Variants in HMCN1 observed in about 807,000 individuals in gnomAD.
HMCN1 encodes hemicentin-1.
Under a neutral mutation model 625.9 loss-of-function variants are expected in HMCN1, and 321 were observed. The observed-to-expected ratio is 0.51, with a 90% CI of 0.47 to 0.56. HMCN1 has a LOEUF of 0.56. Ranked by LOEUF, HMCN1 falls within the 20% of genes least tolerant of loss-of-function variation. HMCN1 has a pLI of 0.00. For synonymous variants in HMCN1, 2,425 were observed against 2,417.6 expected (o/e 1.00, Z -0.09); for missense variants, 6,588 against 6,887.3 (o/e 0.96, Z 1.54).
At chr1:185,833,789 T>C (rs1661014992) in intron 1 of HMCN1, among the ~76,000 whole-genome samples, 1 of 152,158 alleles carries the variant, frequency 6.6e-6, no homozygotes, top group Non-Finnish European at 1.5e-5. Flanking sequence ...TTTTTCTTAA[T>C]TGTTTTTTCC....
intron 4 of HMCN1, among the ~76,000 whole-genome samples, chr1:185,888,891 A>G (rs1417569342): frequency 6.8e-6 from 1 of 147,320 alleles, no homozygotes. Flanking sequence ...TCTGTAAATT[A>G]CCTTAGGCAG....
rs540465075 is a variant in HMCN1, at chr1:185,949,182, A to T, written c.1829-13336A>T. On this transcript the variant is annotated intron_variant, in intron 11 of 106. Transcript: ENST00000271588. ...TTTGGGGATAGCACCAGGAGATATC[A>T]GCTGTGATGGCTTGGAAAAACAGTG... Among the ~76,000 whole-genome samples the T allele has an allele frequency of 4.8e-3, 733 of 151,984 alleles. 13 individuals are homozygous for T. Among genetic ancestry groups the T allele is most frequent in the African/African-American group, 0.017 (711 of 41,288 alleles).
At chr1:186,057,196 A>G (rs1657389191) in intron 45 of HMCN1, 38 bp from the exon 46 acceptor site, 1 of 1,556,208 alleles carries the variant, frequency 6.4e-7, no homozygotes, top group Non-Finnish European at 8.9e-7. Context: ...CAGGCAACTA[A>G]TATTTCCATT....
chr1:186,041,716 T>C (rs1656220296), intron 40 of HMCN1, among the ~76,000 whole-genome samples: 2 of 152,188 alleles, frequency 1.3e-5, no homozygotes, highest in African/African-American at 2.4e-5. Context: ...TCTCCATTTA[T>C]ATATTAGCTT....
At chr1:185,865,940 A>C (rs1249186894) in intron 4 of HMCN1, 77 bp downstream of exon 4, 2 of 1,484,398 alleles carry the variant, frequency 1.3e-6, no homozygotes, top group African/African-American at 2.8e-5. Flanking sequence ...ATTATGACAG[A>C]TTTGATTTCA....
At chr1:186,166,143 A>AT (rs1651863211) in intron 98 of HMCN1, 41 bp from the exon 99 acceptor site, 1 of 1,611,986 alleles carries the variant, frequency 6.2e-7, no homozygotes, top group East Asian at 2.2e-5. Context: ...GAAAGTAAGG[A>AT]TTTTACATAC....
At chr1:185,993,391 A>G in intron 23 of HMCN1, 82 bp downstream of exon 23, 2 of 1,526,068 alleles carry the variant, frequency 1.3e-6, no homozygotes, top group African/African-American at 1.4e-5. Context: ...TTGATAGTTA[A>G]TTTCCAAATT....
intron 40 of HMCN1, among the ~76,000 whole-genome samples, chr1:186,045,221 C>T (rs188617988): frequency 6.6e-6 from 1 of 152,126 alleles, no homozygotes; most frequent in African/African-American, 2.4e-5. Context: ...TTGCACGCTG[C>T]GAGATGGGAC....
chr1:185,804,536 T>A (rs1166800675), intron 1 of HMCN1, among the ~76,000 whole-genome samples: 1 of 152,096 alleles, frequency 6.6e-6, no homozygotes, highest in Admixed American at 6.6e-5. Flanking sequence ...ATCCCACAAC[T>A]CAAAGTCTTT....
intron 54 of HMCN1, 142 bp from the exon 55 acceptor site, chr1:186,077,965 A>C (rs1001164712): frequency 6.1e-6 from 4 of 656,850 alleles, no homozygotes; most frequent in Non-Finnish European, 1.1e-5. Flanking sequence ...GTGGTATCTG[A>C]GATTAAAACT....
chr1:186,007,755 A>G (rs1653737109), intron 30 of HMCN1, among the ~76,000 whole-genome samples: 1 of 152,114 alleles, frequency 6.6e-6, no homozygotes, highest in Non-Finnish European at 1.5e-5. Flanking sequence ...TCTCCCAGCT[A>G]TGTCCCCACC....
chr1:186,046,245 G>T (rs535645427), intron 41 of HMCN1, among the ~76,000 whole-genome samples: 1 of 152,238 alleles, frequency 6.6e-6, no homozygotes, highest in South Asian at 2.1e-4. Context: ...AAGGTGGGCG[G>T]ACCACTTGAG....
chr1:185,826,120 T>TG (rs199868278), intron 1 of HMCN1, among the ~76,000 whole-genome samples: 8,884 of 152,140 alleles, frequency 0.058, 868 homozygotes, highest in African/African-American at 0.2. Flanking sequence ...GTTTTATGTG[T>TG]TTTACAGTGC....
intron 104 of HMCN1, among the ~76,000 whole-genome samples, chr1:186,181,192 C>G (rs571472045): frequency 1.4e-3 from 216 of 152,236 alleles, no homozygotes; most frequent in African/African-American, 5.1e-3. Flanking sequence ...AGTAAAAACT[C>G]ACACAAGTCA....
rs148826584 is a variant in HMCN1 at position 186,166,913 on chromosome 1, G to A, written c.15545G>A (p.Arg5182Gln). ...GTGGTCCGTTGTGGAAGTGGCTTTC[G>A]AAGAACCTCTGATGGGCTGAGTTGT... ...RCVVRCGSGF[R>Q]RTSDGLSCQD... Residue 5182 changes from arginine (R) to glutamine (Q), a missense_variant, in exon 100 of 107, where the codon CGA becomes CAA. Transcript: ENST00000271588. 3.7e-5 allele frequency: 60 copies of A among 1,614,112 alleles called. No individual in the cohort carries two copies. Among genetic ancestry groups the A allele is most frequent in the Admixed American group, 1.0e-4 (6 of 60,022 alleles).
rs762269912 is a variant in HMCN1 at position 186,023,045 on chromosome 1, C to A, written c.5641C>A (p.Arg1881=). The A allele has an allele frequency of 1.2e-6, 2 of 1,613,276 alleles. No homozygotes were observed. The highest frequency in any genetic ancestry group is 2.2e-5 in the South Asian group (2 of 91,046). The change falls in exon 36 of 107, where the codon CGA becomes AGA. Residue 1881 remains arginine, a synonymous_variant. Transcript: ENST00000271588. ...QGNLKIQSSG[R]VLQIAKTLLE... The stretch of plus-strand genomic sequence containing the variant: ...TCCCAATTAGATACAGTCTTCTGGT[C>A]GAGTTCTACAAATTGCCAAAACCCT...
chr1:185,802,869 A>G (rs1173493553), intron 1 of HMCN1, among the ~76,000 whole-genome samples: 1 of 152,120 alleles, frequency 6.6e-6, no homozygotes, highest in East Asian at 1.9e-4. Flanking sequence ...ATAGTGAAAG[A>G]GAATAAGGGG....
In HMCN1 at chr1:186,067,986, C is replaced by A. The variant is rs779370019; in HGVS notation, c.7858C>A (p.Arg2620=). Residue 2620 remains arginine, a synonymous_variant, in exon 50 of 107, where the codon CGA becomes AGA. Transcript: ENST00000271588. ...FKDGTPLESN[R]NIRILPGGRT... is the part of the protein sequence containing the mutation. ...GGATGGCACTCCTTTAGAATCTAAC[C>A]GAAATATTCGTATTCTTCCAGGTAA... 6.2e-7 allele frequency: 1 copy of A among 1,613,432 alleles called. No homozygotes were observed. Among genetic ancestry groups the A allele is most frequent in the East Asian group, 2.2e-5 (1 of 44,814 alleles).
chr1:185,778,851 G>T (rs997381064), intron 1 of HMCN1, among the ~76,000 whole-genome samples: 2 of 152,140 alleles, frequency 1.3e-5, no homozygotes, highest in African/African-American at 4.8e-5. Flanking sequence ...AGTCCTTTGG[G>T]TATATACCCA....
Sources: gnomAD v4.1 joint callset for allele counts (sites outside exome capture counted in the v4.1 genomes callset) on GRCh38, gnomAD v4.1.1 for gene constraint, MANE v1.5 for transcripts, NCBI Gene and HGNC (gene_info 2026-07-23, HGNC 2026-07-21) for gene names.